The following CLPTM1L variants were observed in gnomAD, a reference collection of about 807,000 sequenced individuals.
CLPTM1L encodes the protein lipid scramblase CLPTM1L.
In CLPTM1L, 38 loss-of-function variants were observed where a neutral mutation model predicts 70.9. The ratio of observed to expected loss-of-function variants is 0.54; its 90% CI spans 0.41 to 0.70. The LOEUF (loss-of-function observed/expected upper bound fraction) is 0.70. Ranked by LOEUF, CLPTM1L falls within the 30% of genes least tolerant of loss-of-function variation. CLPTM1L has a pLI of 0.00. For missense variants in CLPTM1L, 652 were observed against 705.9 expected (o/e 0.92, Z 0.87); for synonymous variants, 339 against 299.9 (o/e 1.13, Z -1.35).
rs1047734067 is a variant in CLPTM1L at position 1,344,824 on chromosome 5, G to C, written c.18C>G (p.Ser6Arg). Reference sequence around the variant, plus strand: ...CGCCCACCACCAAGCTGGTGAAGGAGCTGCGGCCGCTCCACATGGCGGCCC... The same window carrying C: ...CGCCCACCACCAAGCTGGTGAAGGACCTGCGGCCGCTCCACATGGCGGCCC... MWSGR[S>R]SFTSLVVGVF... is the part of the protein sequence containing the mutation. Residue 6 changes from serine (S) to arginine (R), a missense_variant, in exon 1 of 17, where the codon AGC becomes AGG. Around this residue, in one of 3 missense-constraint regions of CLPTM1L, gnomAD observed 10 missense variants for 22.7 expected, o/e 0.44. Coordinates refer to ENST00000320895, the MANE Select transcript of CLPTM1L (RefSeq NM_030782.5). The C allele has an allele frequency of 1.9e-6, 3 of 1,566,860 alleles. No individual in the cohort carries two copies. Among genetic ancestry groups the C allele is most frequent in the Non-Finnish European group, 2.6e-6 (3 of 1,160,690 alleles).
Position 1,342,964 on chromosome 5 carries a change from G to A in CLPTM1L, c.264-1104C>T, listed in dbSNP as rs577009959. 4.0e-4 allele frequency among the ~76,000 whole-genome samples: 61 copies of A among 152,340 alleles called. No homozygotes were observed. The highest frequency in any genetic ancestry group is 3.1e-3 in the South Asian group (15 of 4,828). Reference sequence around the variant, plus strand: ...TCCCAGCACCTTGGGAGGCCGAGCCGGGCAGATCACGAGGTCAGGAGTTTC... The same window carrying A: ...TCCCAGCACCTTGGGAGGCCGAGCCAGGCAGATCACGAGGTCAGGAGTTTC... On this transcript the variant is annotated intron_variant, in intron 2 of 16. Transcript: ENST00000320895. The surrounding 1 kb of genome is among the most constrained non-coding windows in gnomAD (Gnocchi z 4.3).
intron 1 of CLPTM1L, 112 bp downstream of exon 1, chr5:1,344,568 A>G (rs1754155954): frequency 6.9e-7 from 1 of 1,458,386 alleles, no homozygotes; most frequent in South Asian, 1.2e-5. Flanking sequence ...GAAAGGTTCC[A>G]TCTCGACTCG....
intron 9 of CLPTM1L, among the ~76,000 whole-genome samples, chr5:1,327,644 C>A (rs1411969474): frequency 6.6e-6 from 1 of 150,440 alleles, no homozygotes; most frequent in African/African-American, 2.5e-5. Flanking sequence ...TTCCACCCAG[C>A]TCCTCCTCTA....
chr5:1,344,339 C>T lies in CLPTM1L; in HGVS notation c.263+12G>A, dbSNP rs1754135816. 6.3e-7 allele frequency: 1 copy of T among 1,576,484 alleles called. No homozygotes were observed. The highest frequency in any genetic ancestry group is 8.7e-7 in the Non-Finnish European group (1 of 1,145,730). ...TTTTCCCTTTCACTGGCATTTTGTC[C>T]TACGCCCATACCTTTCAAATTTGGA... is the stretch of plus-strand genomic sequence containing the variant. On this transcript the variant is annotated intron_variant, in intron 2 of 16. Transcript: ENST00000320895.
At chr5:1,320,015 G>A (rs969147117) in intron 16 of CLPTM1L, among the ~76,000 whole-genome samples, 1 of 152,156 alleles carries the variant, frequency 6.6e-6, no homozygotes, top group Non-Finnish European at 1.5e-5. Context: ...CTGAGCCTCT[G>A]CATTTGGAAA....
intron 9 of CLPTM1L, chr5:1,326,257 G>T: frequency 4.0e-6 from 1 of 251,084 alleles, no homozygotes; most frequent in South Asian, 5.2e-5. Context: ...ACTGTGACTC[G>T]TACCTATGGA....
Position 1,334,384 on chromosome 5 carries a change from C to G in CLPTM1L, c.797-1G>C. ...TCATCAGCATCTTTCTCTGAAAACC[C>G]TGTCAAGGAAAAAAAAACATACAAT... On this transcript the variant is annotated splice_acceptor_variant, in intron 6 of 16. Coordinates refer to ENST00000320895, the MANE Select transcript of CLPTM1L (RefSeq NM_030782.5). LOFTEE classifies it high-confidence loss of function. 1 of 1,551,140 alleles carries G rather than the reference C, an allele frequency of 6.4e-7. No homozygotes were observed. Among genetic ancestry groups the G allele is most frequent in the Non-Finnish European group, 8.7e-7 (1 of 1,143,686 alleles).
At position 1,321,628 on chromosome 5, in the gene CLPTM1L, C is replaced by G. The variant is rs768545995; in HGVS notation, c.1416+7G>C. On this transcript the variant is annotated splice_region_variant and intron_variant, in intron 15 of 16. Transcript: ENST00000320895. ...AGAAGGGATTCCTCACCGGCTGTCA[C>G]ACTCACCTTGTAGGTGAAGGCCTTC... The G allele has an allele frequency of 6.2e-7, 1 of 1,613,530 alleles. No homozygotes were observed. Among genetic ancestry groups the G allele is most frequent in the Middle Eastern group, 1.7e-4 (1 of 6,060 alleles).
At chr5:1,325,546 C>T (rs566900530) in intron 10 of CLPTM1L, 20 of 576,062 alleles carry the variant, frequency 3.5e-5, no homozygotes, top group Non-Finnish European at 5.6e-5. Context: ...GCACTGAAGA[C>T]GGTCAGAACT....
At chr5:1,332,369 T>G (rs1280734249) in intron 7 of CLPTM1L, 2 of 155,344 alleles carry the variant, frequency 1.3e-5, no homozygotes, top group Non-Finnish European at 2.9e-5. Context: ...GAGACCTGTC[T>G]CCAAAAAAAA....
intron 9 of CLPTM1L, 107 bp downstream of exon 9, chr5:1,330,173 G>A (rs1752988674): frequency 4.5e-6 from 4 of 888,524 alleles, no homozygotes; most frequent in African/African-American, 1.6e-5. Context: ...TCGGGAACAA[G>A]CACACAGGCT....
Position 1,342,009 on chromosome 5 carries a change from C to CT in CLPTM1L, c.264-150_264-149insA, listed in dbSNP as rs1553974511. On this transcript the variant is annotated intron_variant, in intron 2 of 16. Coordinates refer to ENST00000320895, the MANE Select transcript of CLPTM1L (RefSeq NM_030782.5). This position sits in a 1 kb window ranked among gnomAD's most constrained non-coding sequence, Gnocchi z 4.3. ...CCCACCTGCCCAGGGCTTTACGAGT[C>CT]GTGTGTGTGTGTGTGTGTGTGTGTG... The CT allele has an allele frequency of 2.1e-6, 1 of 468,680 alleles. No homozygotes were observed. The highest frequency in any genetic ancestry group is 2.5e-5 in the African/African-American group (1 of 39,600). The allele number at this position is 468,680 out of a possible 1,614,324, so 29.0% of individuals were successfully genotyped here.
chr5:1,336,653 G>A (rs1191545836), intron 5 of CLPTM1L, among the ~76,000 whole-genome samples: 15 of 152,218 alleles, frequency 9.9e-5, no homozygotes, highest in Admixed American at 9.2e-4. Flanking sequence ...GCAAACTCCA[G>A]CAAACAGAGA....
intron 1 of CLPTM1L, 82 bp downstream of exon 1, chr5:1,344,598 T>C: frequency 6.7e-7 from 1 of 1,494,536 alleles, no homozygotes; most frequent in Non-Finnish European, 9.1e-7. Context: ...AGCTCCGAAC[T>C]GGGACGGGAA....
At chr5:1,330,617 C>G (rs530724499) in intron 8 of CLPTM1L, 3 of 522,520 alleles carry the variant, frequency 5.7e-6, no homozygotes, top group Non-Finnish European at 1.0e-5. Context: ...TCCACAAACA[C>G]GTGTCTGAGC....
At chr5:1,324,143 C>T in intron 11 of CLPTM1L, 2 of 482,708 alleles carry the variant, frequency 4.1e-6, no homozygotes, top group South Asian at 4.1e-5. Context: ...ACCAACCAAC[C>T]CACAACAGAT....
chr5:1,325,879 G>A (rs536921740), intron 9 of CLPTM1L, 63 bp from the exon 10 acceptor site: 6 of 1,406,852 alleles, frequency 4.3e-6, no homozygotes, highest in South Asian at 1.2e-5. Flanking sequence ...ACGAATGAAC[G>A]ACCCAGACAG....
Position 1,338,000 on chromosome 5 carries a change from C to CT in CLPTM1L, c.600-19dup. ...GCTGGATCCTGGGATTAAAGCACAA[C>CT]TTTCCAAAGTCAGCACCAAGGCTTT... On this transcript the variant is annotated intron_variant, in intron 4 of 16. Transcript: ENST00000320895. The CT allele has an allele frequency of 6.3e-7, 1 of 1,592,678 alleles. No homozygotes were observed.
intron 16 of CLPTM1L, among the ~76,000 whole-genome samples, chr5:1,319,697 G>T (rs1268218309): frequency 6.6e-6 from 1 of 152,224 alleles, no homozygotes; most frequent in Non-Finnish European, 1.5e-5. Flanking sequence ...TGTGTGAGGT[G>T]GCCTCCTGGT....
Sources: allele counts gnomAD v4.1 joint callset (sites outside exome capture counted in the v4.1 genomes callset), GRCh38; gene constraint gnomAD v4.1.1; regional missense constraint gnomAD v4.1.1; non-coding constraint Gnocchi (gnomAD v3.1); transcripts MANE v1.5; gene names NCBI Gene and HGNC (gene_info 2026-07-23, HGNC 2026-07-21).